The following A3GALT2 variants were observed in gnomAD, a reference collection of about 807,000 sequenced individuals.
A3GALT2 encodes alpha-1,3-galactosyltransferase 2.
Under a neutral mutation model 16.6 loss-of-function variants are expected in A3GALT2, and 14 were observed. The ratio of observed to expected loss-of-function variants is 0.84; its 90% CI spans 0.56 to 1.32. A3GALT2 has a LOEUF of 1.32. Ranked by LOEUF, A3GALT2 falls within the 40% of genes most tolerant of loss-of-function variation. The probability of loss-of-function intolerance (pLI) is 0.00; values close to 1 mark genes in which losing one functional copy is unlikely to be tolerated. For synonymous variants in A3GALT2, 253 were observed against 218.0 expected (o/e 1.16, Z -1.42); for missense variants, 600 against 490.9 (o/e 1.22, Z -2.10).
intron 1 of A3GALT2, chr1:33,313,184 T>TG (rs1011473327): frequency 3.2e-5 from 8 of 248,816 alleles, no homozygotes; most frequent in Non-Finnish European, 5.2e-5. Flanking sequence ...AGTTTTTTTT[T>TG]TTTTTTTTTT....
intron 1 of A3GALT2, chr1:33,314,339 AGGCGTGAGCCACCGTGTCC>A (rs1362323611): frequency 6.6e-6 from 1 of 152,314 alleles, no homozygotes; most frequent in Non-Finnish European, 1.5e-5. Context: ...CTAGGATTAC[AGGCGTGAGCCACCGTGTCC>A]GGCCTACAAA....
intron 4 of A3GALT2, among the ~76,000 whole-genome samples, chr1:33,308,146 G>A (rs1440988674): frequency 7.0e-6 from 1 of 142,896 alleles, no homozygotes; most frequent in African/African-American, 2.7e-5. Context: ...GATGGGGCAG[G>A]GCAGGTTGGA....
intron 1 of A3GALT2, chr1:33,314,042 C>T: frequency 6.7e-6 from 1 of 149,604 alleles, no homozygotes; most frequent in Non-Finnish European, 1.5e-5. Flanking sequence ...TCCTTCTTTC[C>T]TTCCTTCCTT....
chr1:33,316,799 C>A (rs1419974044), intron 1 of A3GALT2, among the ~76,000 whole-genome samples: 1 of 151,980 alleles, frequency 6.6e-6, no homozygotes, highest in East Asian at 1.9e-4. Context: ...CTGGGATTTG[C>A]CAGGAGGGCA....
At chr1:33,310,261 C>T (rs926151781) in intron 4 of A3GALT2, among the ~76,000 whole-genome samples, 9 of 152,144 alleles carry the variant, frequency 5.9e-5, no homozygotes, top group Admixed American at 2.0e-4. Flanking sequence ...CAGTACAGTC[C>T]AGCCTCGGCT....
intron 1 of A3GALT2, among the ~76,000 whole-genome samples, chr1:33,316,445 CAAAA>C (rs367904310): frequency 6.6e-6 from 1 of 152,072 alleles, no homozygotes; most frequent in South Asian, 2.1e-4. Flanking sequence ...CAAAACAAAA[CAAAA>C]AACCCAAAAA....
rs1454679918 is a variant in A3GALT2, at chr1:33,307,015, G to A, written c.774C>T (p.Phe258=). 2 of 1,469,970 alleles carry A rather than the reference G, an allele frequency of 1.4e-6. No homozygotes were observed. The highest frequency in any genetic ancestry group is 1.5e-5 in the African/African-American group (1 of 68,038). 91.1% of individuals were successfully genotyped at this position (1,469,970 alleles called of 1,614,324 possible). A position where few individuals can be genotyped will look rare whatever the true frequency, so the allele number is the denominator to read the frequency against. ...QGDFYNHAAV[F]GGSVAALRGL... is the part of the protein sequence containing the mutation. The stretch of plus-strand genomic sequence containing the variant: ...CGCGCAGCGCCGCCACGCTGCCCCC[G>A]AACACCGCCGCGTGGTTATAGAAGT... Residue 258 remains phenylalanine (F), a synonymous_variant, in exon 5 of 5, where the codon TTC becomes TTT. Transcript: ENST00000442999.
intron 1 of A3GALT2, among the ~76,000 whole-genome samples, chr1:33,316,083 T>C (rs1429572560): frequency 6.6e-6 from 1 of 152,052 alleles, no homozygotes; most frequent in Non-Finnish European, 1.5e-5. Context: ...GAGGAGGTAG[T>C]TGGGGCCTCC....
intron 4 of A3GALT2, among the ~76,000 whole-genome samples, chr1:33,310,068 G>A (rs1398031557): frequency 1.3e-5 from 2 of 152,270 alleles, no homozygotes; most frequent in Admixed American, 6.5e-5. Context: ...TCGGGAGGCC[G>A]AGGCGGGCAG....
At chr1:33,315,150 C>T (rs950440762) in intron 1 of A3GALT2, among the ~76,000 whole-genome samples, 3 of 152,064 alleles carry the variant, frequency 2.0e-5, no homozygotes, top group Non-Finnish European at 4.4e-5. Flanking sequence ...TTTGGGAGGC[C>T]GAGCGGGTGG....
chr1:33,312,665 G>A (rs1646240468), intron 2 of A3GALT2, 75 bp from the exon 3 acceptor site: 3 of 1,471,038 alleles, frequency 2.0e-6, no homozygotes, highest in Non-Finnish European at 2.8e-6. Context: ...CTCTGGCTTT[G>A]CTTCTTACAA....
Position 33,307,272 on chromosome 1 carries a change from A to T in A3GALT2, c.517T>A (p.Ser173Thr). ...VARERRWQDV[S>T]MARMRTLHAA... ...TGCAACGTGCGCATGCGCGCCATCG[A>T]CACGTCTTGCCAGCGCCGCTCGCGC... The change falls in exon 5 of 5, where the codon TCG becomes ACG. Residue 173 changes from serine to threonine, a missense_variant. Physicochemically the swap from Ser to Thr is moderately conservative, Grantham distance 58 (BLOSUM62 1). Coordinates refer to ENST00000442999, the MANE Select transcript of A3GALT2 (RefSeq NM_001080438.1). 1 of 1,457,176 alleles carries T rather than the reference A, an allele frequency of 6.9e-7. No homozygotes were observed. The highest frequency in any genetic ancestry group is 9.0e-7 in the Non-Finnish European group (1 of 1,108,236). 90.3% of individuals were successfully genotyped at this position (1,457,176 alleles called of 1,614,324 possible). A position where few individuals can be genotyped will look rare whatever the true frequency, so the allele number is the denominator to read the frequency against.
intron 1 of A3GALT2, among the ~76,000 whole-genome samples, chr1:33,318,914 A>G (rs992255441): frequency 3.3e-5 from 5 of 152,212 alleles, no homozygotes; most frequent in African/African-American, 1.2e-4. Context: ...GAATGAAACA[A>G]CGAATGAGTT....
Position 33,312,280 on chromosome 1 carries a change from A to G in A3GALT2, c.198-91T>C, listed in dbSNP as rs536993159. On this transcript the variant is annotated intron_variant, in intron 3 of 4. Transcript: ENST00000442999. Reference sequence around the variant, plus strand: ...TGCCACCTCCCCAGTGCTGAGCCCTAGGGACCCATAGACCGATGAGACCTA... The same window carrying G: ...TGCCACCTCCCCAGTGCTGAGCCCTGGGGACCCATAGACCGATGAGACCTA... 15 of 1,535,582 alleles carry G rather than the reference A, an allele frequency of 9.8e-6. No homozygotes were observed. The East Asian group carries it at 3.4e-4, about 35-fold the overall frequency.
In A3GALT2 at chr1:33,312,837, C is replaced by T. The variant is rs1276410759; in HGVS notation, c.77G>A (p.Gly26Asp). ...TTTAGGGAGGCCATACAGAAACAGGCCTAAGAGGCCAAGTGTAAGTAGGAT... is the reference window on the plus strand; with the variant it reads ...TTTAGGGAGGCCATACAGAAACAGGTCTAAGAGGCCAAGTGTAAGTAGGAT... The part of the protein sequence containing the change: ...RQILLTLGLL[G>D]LFLYGLPKFR... The change falls in exon 2 of 5, where the codon GGC becomes GAC. Residue 26 changes from glycine (G) to aspartate (D), a missense_variant. Gly to Asp is a moderately conservative substitution (Grantham distance 94). Coordinates refer to ENST00000442999, the MANE Select transcript of A3GALT2 (RefSeq NM_001080438.1). The T allele has an allele frequency of 1.2e-6, 2 of 1,604,892 alleles. No homozygotes were observed. The highest frequency in any genetic ancestry group is 2.2e-5 in the East Asian group (1 of 44,662).
At chr1:33,317,231 A>G (rs1017597254) in intron 1 of A3GALT2, among the ~76,000 whole-genome samples, 1 of 152,198 alleles carries the variant, frequency 6.6e-6, no homozygotes, top group African/African-American at 2.4e-5. Flanking sequence ...AAAAATGCTC[A>G]TACAGGAACA....
At chr1:33,315,744 A>G (rs1646258399) in intron 1 of A3GALT2, among the ~76,000 whole-genome samples, 1 of 152,362 alleles carries the variant, frequency 6.6e-6, no homozygotes, top group Non-Finnish European at 1.5e-5. Context: ...CAAAGGAGAT[A>G]ATCTTCAGAA....
At position 33,312,539 on chromosome 1, in the gene A3GALT2, G is replaced by A. The variant is rs367965770; in HGVS notation, c.159C>T (p.Ser53=). 2.2e-4 allele frequency: 354 copies of A among 1,604,430 alleles called. 2 individuals carry two copies. The African/African-American group carries it at 4.0e-3, about 18-fold the overall frequency. The part of the protein sequence containing the change: ...PMGVCPSATM[S]QLRDNFTGAL... The stretch of plus-strand genomic sequence containing the variant: ...CACCTGTGAAGTTGTCTCTCAGCTG[G>A]GACATTGTGGCCGAAGGGCAGACGC... Residue 53 remains serine, a synonymous_variant, in exon 3 of 5, where the codon TCC becomes TCT. Coordinates refer to ENST00000442999, the MANE Select transcript of A3GALT2 (RefSeq NM_001080438.1).
intron 4 of A3GALT2, among the ~76,000 whole-genome samples, chr1:33,309,481 C>A (rs550867213): frequency 6.6e-6 from 1 of 151,910 alleles, no homozygotes; most frequent in African/African-American, 2.4e-5. Flanking sequence ...GCTGGCCGGG[C>A]GGGGGCTGCC....
Sources: allele counts gnomAD v4.1 joint callset (sites outside exome capture counted in the v4.1 genomes callset), GRCh38; gene constraint gnomAD v4.1.1; transcripts MANE v1.5; gene names NCBI Gene and HGNC (gene_info 2026-07-23, HGNC 2026-07-21).